Variants in LRMDA observed in about 807,000 individuals in gnomAD.
The protein encoded by LRMDA is leucine rich melanocyte differentiation associated.
Under a neutral mutation model 29.8 loss-of-function variants are expected in LRMDA, and 18 were observed. That is an observed-to-expected ratio of 0.60 (90% CI 0.42 to 0.90). The LOEUF is 0.90. LRMDA is among the 40% of genes least tolerant of loss of function. LRMDA has a pLI of 0.00. For synonymous variants in LRMDA, 125 were observed against 109.4 expected (o/e 1.14, Z -0.89); for missense variants, 273 against 273.9 (o/e 1.00, Z 0.02).
At chr10:75,950,201 TTTA>T (rs1374453683) in intron 2 of LRMDA, among the ~76,000 whole-genome samples, 1 of 152,168 alleles carries the variant, frequency 6.6e-6, no homozygotes, top group Non-Finnish European at 1.5e-5. Flanking sequence ...CTCATAATCT[TTTA>T]TTAAGAGACT....
At chr10:76,416,240 A>G (rs1842012920) in intron 6 of LRMDA, among the ~76,000 whole-genome samples, 1 of 152,202 alleles carries the variant, frequency 6.6e-6, no homozygotes, top group Non-Finnish European at 1.5e-5. Flanking sequence ...AAGGTGGTTC[A>G]CATGACCCTT....
At chr10:76,032,764 G>T (rs1457418513) in intron 2 of LRMDA, among the ~76,000 whole-genome samples, 6 of 152,132 alleles carry the variant, frequency 3.9e-5, no homozygotes, top group Admixed American at 3.9e-4. Flanking sequence ...CCCTCCAGCT[G>T]GCTGTGCCTA....
intron 5 of LRMDA, among the ~76,000 whole-genome samples, chr10:76,298,400 G>A (rs1840439021): frequency 6.6e-6 from 1 of 152,184 alleles, no homozygotes; most frequent in South Asian, 2.1e-4. Context: ...AAATAATCTG[G>A]AGTGGCTGCC....
In LRMDA at chr10:76,102,713, C is replaced by T. The variant is rs992985441; in HGVS notation, c.516+43930C>T. On this transcript the variant is annotated intron_variant, in intron 5 of 6. Transcript: ENST00000611255. ...TGTCACCCAAGCTGTACTGCAGTGG[C>T]GCAATCATGGTTCACTGCAGCCTCA... Among the ~76,000 whole-genome samples, 11 of 152,208 alleles carry T rather than the reference C, an allele frequency of 7.2e-5. 1 individual carries two copies. Among genetic ancestry groups the T allele is most frequent in the South Asian group, 6.2e-4 (3 of 4,820 alleles).
intron 2 of LRMDA, among the ~76,000 whole-genome samples, chr10:75,959,188 T>G (rs907217633): frequency 6.6e-6 from 1 of 152,132 alleles, no homozygotes; most frequent in African/African-American, 2.4e-5. Flanking sequence ...AAAACCTAGT[T>G]AGAAGGTCCT....
At chr10:75,966,537 T>C (rs1449732344) in intron 2 of LRMDA, among the ~76,000 whole-genome samples, 2 of 152,240 alleles carry the variant, frequency 1.3e-5, no homozygotes, top group Non-Finnish European at 2.9e-5. Context: ...GCAGGGGTCC[T>C]TGTTATTCAT....
chr10:76,526,702 C>A (rs1303561168), intron 6 of LRMDA, among the ~76,000 whole-genome samples: 1 of 151,726 alleles, frequency 6.6e-6, no homozygotes, highest in Non-Finnish European at 1.5e-5. Flanking sequence ...ATCATGTTTA[C>A]AACCACCTTG....
chr10:76,239,790 G>A (rs1284571143), intron 5 of LRMDA, among the ~76,000 whole-genome samples: 1 of 151,576 alleles, frequency 6.6e-6, no homozygotes, highest in Non-Finnish European at 1.5e-5. Context: ...TTTGTATATG[G>A]TGCTGTATAC....
intron 2 of LRMDA, among the ~76,000 whole-genome samples, chr10:75,617,928 GGCC>G (rs1374749065): frequency 2.0e-5 from 3 of 152,156 alleles, no homozygotes; most frequent in Admixed American, 6.6e-5. Flanking sequence ...AACCTCGCTA[GGCC>G]TTTGTCGCCT....
At chr10:76,477,209 G>A (rs1842683661) in intron 6 of LRMDA, among the ~76,000 whole-genome samples, 1 of 151,880 alleles carries the variant, frequency 6.6e-6, no homozygotes, top group Non-Finnish European at 1.5e-5. Context: ...AAAGTCTCAG[G>A]ATACAAAATC....
intron 2 of LRMDA, among the ~76,000 whole-genome samples, chr10:75,671,403 T>G (rs1348157006): frequency 6.6e-6 from 1 of 152,174 alleles, no homozygotes; most frequent in Non-Finnish European, 1.5e-5. Context: ...CAAGATTTCT[T>G]TGACACCGTA....
At chr10:75,805,421 G>A (rs1199128236) in intron 2 of LRMDA, among the ~76,000 whole-genome samples, 2 of 152,300 alleles carry the variant, frequency 1.3e-5, no homozygotes, top group Non-Finnish European at 2.9e-5. Flanking sequence ...ATATGTTAGC[G>A]AGATATTTAA....
chr10:75,871,502 G>A (rs1431022150), intron 2 of LRMDA, among the ~76,000 whole-genome samples: 1 of 152,134 alleles, frequency 6.6e-6, no homozygotes, highest in Non-Finnish European at 1.5e-5. Context: ...GGGCCTACTG[G>A]AGGAGGAGTC....
At chr10:76,323,081 A>C (rs1246751607) in intron 5 of LRMDA, among the ~76,000 whole-genome samples, 1 of 151,860 alleles carries the variant, frequency 6.6e-6, no homozygotes, top group Non-Finnish European at 1.5e-5. Context: ...ATTTTTGTGG[A>C]CCCAATAGCC....
At chr10:75,730,022 A>T (rs1210129730) in intron 2 of LRMDA, among the ~76,000 whole-genome samples, 1 of 151,844 alleles carries the variant, frequency 6.6e-6, no homozygotes, top group Non-Finnish European at 1.5e-5. Context: ...GGCTCAAGGG[A>T]TCCCCAACCC....
Position 76,424,283 on chromosome 10 carries a change from G to A in LRMDA, c.601+99798G>A, listed in dbSNP as rs553300112. On this transcript the variant is annotated intron_variant, in intron 6 of 6. Coordinates refer to ENST00000611255, the MANE Select transcript of LRMDA (RefSeq NM_001305581.2). ...TGATGTTTACTTACATGATTGACCT[G>A]CGTAACAGTTTAAAACAGGTAGGAC... Among the ~76,000 whole-genome samples the A allele has an allele frequency of 3.3e-5, 5 of 152,158 alleles. No individual in the cohort carries two copies. In the South Asian group the frequency reaches 1.0e-3, roughly 32 times the overall value.
chr10:75,711,068 A>C (rs1054244877), intron 2 of LRMDA, among the ~76,000 whole-genome samples: 2 of 152,254 alleles, frequency 1.3e-5, no homozygotes, highest in African/African-American at 2.4e-5. Context: ...ATAGTCTCCC[A>C]AAATAAGAAT....
chr10:75,908,031 C>T (rs539240949), intron 2 of LRMDA, among the ~76,000 whole-genome samples: 1 of 152,268 alleles, frequency 6.6e-6, no homozygotes, highest in Non-Finnish European at 1.5e-5. Context: ...CACCATCTGC[C>T]TGGGGAAACA....
At chr10:76,417,251 T>G (rs2132515812) in intron 6 of LRMDA, among the ~76,000 whole-genome samples, 1 of 152,308 alleles carries the variant, frequency 6.6e-6, no homozygotes, top group South Asian at 2.1e-4. Flanking sequence ...ATGCTGAAAT[T>G]TCTCTTTTAT....
Sources: allele counts gnomAD v4.1 joint callset (sites outside exome capture counted in the v4.1 genomes callset), GRCh38; gene constraint gnomAD v4.1.1; transcripts MANE v1.5; gene names NCBI Gene and HGNC (gene_info 2026-07-23, HGNC 2026-07-21).